FGF14: variants seen among roughly 807,000 people sequenced by gnomAD.
FGF14 encodes the protein fibroblast growth factor 14.
In FGF14, 5 loss-of-function variants were observed where a neutral mutation model predicts 25.5. The observed-to-expected ratio is 0.20, with a 90% confidence interval of 0.10 to 0.41. The LOEUF (loss-of-function observed/expected upper bound fraction) is 0.41. FGF14 is among the 10% of genes least tolerant of loss of function. FGF14 has a pLI of 1.00. For synonymous variants in FGF14, 138 were observed against 118.3 expected, an observed-to-expected ratio of 1.17 and a Z score of -1.08; for missense variants, 222 against 320.1, an observed-to-expected ratio of 0.69 and a Z score of 2.34.
chr13:101,941,031 G>C lies in FGF14; in HGVS notation c.209-65735C>G, dbSNP rs530787625. ...AACAAGTCTTGATCCTGCAGGTCAA[G>C]TGAAAACCTGAAGGGTCACAGAAGA... On this transcript the variant is annotated intron_variant, in intron 1 of 4. Transcript: ENST00000376131. Among the ~76,000 whole-genome samples, 5 of 152,252 alleles carry C rather than the reference G, an allele frequency of 3.3e-5. No homozygotes were observed. The East Asian group carries it at 9.7e-4, about 29-fold the overall frequency.
At chr13:101,818,976 A>AC (rs962079990) in intron 3 of FGF14, among the ~76,000 whole-genome samples, 24 of 152,202 alleles carry the variant, frequency 1.6e-4, no homozygotes, top group African/African-American at 5.1e-4. Context: ...TGTGAAGCTT[A>AC]CCCCCCAGGT....
Position 101,965,245 on chromosome 13 carries a change from TA to T in FGF14, c.209-89950del, listed in dbSNP as rs555577660. Among the ~76,000 whole-genome samples, 892 of 120,744 alleles carry T rather than the reference TA, an allele frequency of 7.4e-3. 9 individuals are homozygous for T. The highest frequency in any genetic ancestry group is 7.2e-3 in the East Asian group (28 of 3,870). 79.2% of individuals were successfully genotyped at this position (120,744 alleles called of 152,430 possible). A position where few individuals can be genotyped will look rare whatever the true frequency, so the allele number is the denominator to read the frequency against. ...GCCTGGGTGAGAGAGCAAGACTGTC[TA>T]AAAAAAAAAAAAAAACCTCCTCTTG... On this transcript the variant is annotated intron_variant, in intron 1 of 4. Transcript: ENST00000376131.
chr13:101,895,297 T>C (rs1344625633), intron 1 of FGF14, among the ~76,000 whole-genome samples: 1 of 152,120 alleles, frequency 6.6e-6, no homozygotes, highest in African/African-American at 2.4e-5. Flanking sequence ...GTTTCTGAAG[T>C]TTGATAATGT....
intron 1 of FGF14, among the ~76,000 whole-genome samples, chr13:102,384,110 T>C (rs995404644): frequency 1.3e-5 from 2 of 152,188 alleles, no homozygotes; most frequent in Non-Finnish European, 2.9e-5. Flanking sequence ...AAAACTATTT[T>C]TCTAGTAGCA....
intron 1 of FGF14, among the ~76,000 whole-genome samples, chr13:102,127,978 G>T (rs932881102): frequency 1.3e-5 from 2 of 152,112 alleles, no homozygotes; most frequent in Non-Finnish European, 2.9e-5. Context: ...ATCTCGCAGC[G>T]GTGGGGAAGC....
At chr13:102,114,328 G>T (rs1472448547) in intron 1 of FGF14, among the ~76,000 whole-genome samples, 5 of 152,126 alleles carry the variant, frequency 3.3e-5, no homozygotes, top group Non-Finnish European at 7.4e-5. Flanking sequence ...TCAGATACAT[G>T]ATTAGCAAAT....
At chr13:102,157,815 A>T (rs1241974848) in intron 1 of FGF14, among the ~76,000 whole-genome samples, 1 of 152,246 alleles carries the variant, frequency 6.6e-6, no homozygotes, top group African/African-American at 2.4e-5. Flanking sequence ...GAACTCAAAC[A>T]AATTTACAAG....
intron 1 of FGF14, among the ~76,000 whole-genome samples, chr13:102,281,058 C>T (rs1333616364): frequency 6.6e-6 from 1 of 152,152 alleles, no homozygotes; most frequent in East Asian, 1.9e-4. Context: ...CTATTACTTT[C>T]TTTTATTCCT....
At chr13:101,815,122 G>A (rs56950837) in intron 3 of FGF14, among the ~76,000 whole-genome samples, 2,528 of 152,288 alleles carry the variant, frequency 0.017, 70 homozygotes, top group African/African-American at 0.048. Flanking sequence ...GAAGAATGAC[G>A]TTCCTACTAG....
At chr13:101,800,483 T>C (rs2040807907) in intron 3 of FGF14, among the ~76,000 whole-genome samples, 1 of 152,184 alleles carries the variant, frequency 6.6e-6, no homozygotes, top group African/African-American at 2.4e-5. Flanking sequence ...GACTTATCCA[T>C]TTGCTGTTTG....
rs568621043 is a variant in FGF14 at position 101,933,630 on chromosome 13, G to A, written c.209-58334C>T. On this transcript the variant is annotated intron_variant, in intron 1 of 4. Coordinates refer to the FGF14 transcript ENST00000376131. ...TCCCAGCTACTCGGGAGGCTGAGGC[G>A]GCAGAATCACTTAAATCTGGGAGGC... Among the ~76,000 whole-genome samples the A allele has an allele frequency of 2.2e-3, 338 of 152,124 alleles. 1 individual carries two copies. Among genetic ancestry groups the A allele is most frequent in the South Asian group, 4.8e-3 (23 of 4,812 alleles).
intron 3 of FGF14, among the ~76,000 whole-genome samples, chr13:101,750,963 A>G (rs952147738): frequency 1.4e-4 from 22 of 152,182 alleles, no homozygotes; most frequent in Admixed American, 1.4e-3. Context: ...TTCCAACTAT[A>G]TAACATTCTG....
chr13:101,887,328 G>GTGTATATATA (rs372585813), intron 1 of FGF14, among the ~76,000 whole-genome samples: 20 of 147,690 alleles, frequency 1.4e-4, no homozygotes, highest in Admixed American at 2.0e-4. Flanking sequence ...ATATATGTGT[G>GTGTATATATA]TATATATATA....
At chr13:102,154,056 C>T (rs1191990663) in intron 1 of FGF14, among the ~76,000 whole-genome samples, 1 of 152,038 alleles carries the variant, frequency 6.6e-6, no homozygotes, top group South Asian at 2.1e-4. Flanking sequence ...GAGTTTAGCT[C>T]GTATTCTATA....
intron 3 of FGF14, among the ~76,000 whole-genome samples, chr13:101,756,194 C>T (rs2037637053): frequency 6.6e-6 from 1 of 152,140 alleles, no homozygotes; most frequent in South Asian, 2.1e-4. Context: ...TTAATATCTC[C>T]TTATGAACTT....
chr13:102,136,571 T>A (rs1418455341), intron 1 of FGF14, among the ~76,000 whole-genome samples: 1 of 151,568 alleles, frequency 6.6e-6, no homozygotes, highest in Non-Finnish European at 1.5e-5. Flanking sequence ...GCAACCACAA[T>A]GATCCTCTTG....
At chr13:101,915,702 G>A (rs1194860367) in intron 1 of FGF14, among the ~76,000 whole-genome samples, 1 of 152,184 alleles carries the variant, frequency 6.6e-6, no homozygotes, top group Non-Finnish European at 1.5e-5. Flanking sequence ...ATATAGTAAC[G>A]GCTTGTATCT....
At chr13:102,294,971 T>C (rs1456970308) in intron 1 of FGF14, among the ~76,000 whole-genome samples, 1 of 152,206 alleles carries the variant, frequency 6.6e-6, no homozygotes, top group African/African-American at 2.4e-5. Context: ...AGTGATTTCA[T>C]TGTGAATGCT....
chr13:101,964,826 G>T (rs2037085807), intron 1 of FGF14, among the ~76,000 whole-genome samples: 1 of 151,998 alleles, frequency 6.6e-6, no homozygotes, highest in African/African-American at 2.4e-5. Flanking sequence ...GATACAAATA[G>T]TTGTGCACTT....
Sources: gnomAD v4.1 joint callset for allele counts (sites outside exome capture counted in the v4.1 genomes callset) on GRCh38, gnomAD v4.1.1 for gene constraint, MANE v1.5 for transcripts, NCBI Gene and HGNC (gene_info 2026-07-23, HGNC 2026-07-21) for gene names.